B3GALT1: variants seen among roughly 807,000 people sequenced by gnomAD.
The protein encoded by B3GALT1 is UDP-Gal:betaGlcNAc beta 1,3-galactosyltransferase, polypeptide 1.
Under a neutral mutation model 23.2 loss-of-function variants are expected in B3GALT1, and 10 were observed. The ratio of observed to expected loss-of-function variants is 0.43; its 90% CI spans 0.27 to 0.73. The LOEUF (loss-of-function observed/expected upper bound fraction) is 0.73. B3GALT1 is among the 30% of genes least tolerant of loss of function. The pLI is 0.21. For missense variants in B3GALT1, 299 were observed against 405.4 expected (o/e 0.74, Z 2.25); for synonymous variants, 156 against 141.5 (o/e 1.10, Z -0.73).
At chr2:167,720,163 A>G (rs1016701467) in intron 3 of B3GALT1, among the ~76,000 whole-genome samples, 2 of 152,232 alleles carry the variant, frequency 1.3e-5, no homozygotes, top group South Asian at 4.1e-4. Context: ...AGGATTGAAC[A>G]TTTTGATAAA....
At chr2:167,514,189 G>A (rs1700068876) in intron 2 of B3GALT1, among the ~76,000 whole-genome samples, 1 of 152,114 alleles carries the variant, frequency 6.6e-6, no homozygotes, top group South Asian at 2.1e-4. Context: ...TTACAGGTGT[G>A]AGCCACCACA....
At chr2:167,600,944 G>A (rs1684866773) in intron 2 of B3GALT1, among the ~76,000 whole-genome samples, 2 of 152,102 alleles carry the variant, frequency 1.3e-5, no homozygotes, top group African/African-American at 4.8e-5. Context: ...AGAAGTGCTG[G>A]ATTGTTTAGC....
intron 4 of B3GALT1, among the ~76,000 whole-genome samples, chr2:167,842,694 C>G (rs138154188): frequency 3.3e-5 from 5 of 151,954 alleles, no homozygotes; most frequent in Admixed American, 1.3e-4. Context: ...GGCAACATGA[C>G]GAAACTCCGT....
intron 1 of B3GALT1, among the ~76,000 whole-genome samples, chr2:167,457,458 C>T (rs1699189672): frequency 6.6e-6 from 1 of 151,896 alleles, no homozygotes; most frequent in Non-Finnish European, 1.5e-5. Flanking sequence ...TAGACGTGAG[C>T]CACCATGCCT....
rs1413050678 is a variant in B3GALT1 at position 167,868,996 on chromosome 2, G to A, written c.-44G>A. The A allele has an allele frequency of 6.5e-7, 1 of 1,531,530 alleles. No homozygotes were observed. Among genetic ancestry groups the A allele is most frequent in the African/African-American group, 1.4e-5 (1 of 72,020 alleles). The allele number at this position is 1,531,530 out of a possible 1,614,324, so 94.9% of individuals were successfully genotyped here. ...AAGATGAAAACAAACTAGTGCCAAG[G>A]AGGCGTATTCTTCAATATTTGGAAT... is the stretch of plus-strand genomic sequence containing the variant. On this transcript the variant is annotated 5_prime_UTR_variant, in exon 5 of 5. Transcript: ENST00000392690.
intron 2 of B3GALT1, among the ~76,000 whole-genome samples, chr2:167,521,763 A>G (rs924023423): frequency 6.6e-6 from 1 of 151,962 alleles, no homozygotes; most frequent in African/African-American, 2.4e-5. Context: ...AACTAGGAGC[A>G]CCACAATGTT....
intron 1 of B3GALT1, among the ~76,000 whole-genome samples, chr2:167,399,310 T>C (rs1227071817): frequency 1.3e-5 from 2 of 152,170 alleles, no homozygotes; most frequent in Non-Finnish European, 2.9e-5. Flanking sequence ...TTATGTTTCT[T>C]AGAGCTCAGA....
intron 3 of B3GALT1, among the ~76,000 whole-genome samples, chr2:167,685,236 G>A (rs1686599450): frequency 6.6e-6 from 1 of 152,114 alleles, no homozygotes; most frequent in African/African-American, 2.4e-5. Flanking sequence ...ACAGCACTTG[G>A]CATGGTTCTA....
At chr2:167,612,305 A>G (rs979912374) in intron 2 of B3GALT1, among the ~76,000 whole-genome samples, 2 of 151,664 alleles carry the variant, frequency 1.3e-5, no homozygotes, top group Non-Finnish European at 1.5e-5. Context: ...TGAGACATTA[A>G]CCTTTTTAAA....
At chr2:167,686,664 A>G (rs1686621095) in intron 3 of B3GALT1, among the ~76,000 whole-genome samples, 1 of 152,236 alleles carries the variant, frequency 6.6e-6, no homozygotes. Flanking sequence ...TTTAAAGCTC[A>G]CAGTCACTGT....
chr2:167,307,676 A>G (rs1218641539), intron 1 of B3GALT1, among the ~76,000 whole-genome samples: 1 of 151,916 alleles, frequency 6.6e-6, no homozygotes, highest in Non-Finnish European at 1.5e-5. Flanking sequence ...TAAGGAACCC[A>G]TTCTGTTTTG....
chr2:167,314,086 T>C (rs1053389587), intron 1 of B3GALT1, among the ~76,000 whole-genome samples: 1 of 152,118 alleles, frequency 6.6e-6, no homozygotes, highest in Non-Finnish European at 1.5e-5. Context: ...AATATTAATG[T>C]GATGTGCTTT....
At chr2:167,584,906 A>T (rs1019894) in intron 2 of B3GALT1, among the ~76,000 whole-genome samples, 1 of 152,218 alleles carries the variant, frequency 6.6e-6, no homozygotes, top group Non-Finnish European at 1.5e-5. Flanking sequence ...TTGGGTTTTT[A>T]TGGAAGCTTC....
At chr2:167,381,712 A>G (rs1697850076) in intron 1 of B3GALT1, among the ~76,000 whole-genome samples, 1 of 152,346 alleles carries the variant, frequency 6.6e-6, no homozygotes, top group Non-Finnish European at 1.5e-5. Context: ...TGCCAACTTT[A>G]TGAAGATATG....
intron 3 of B3GALT1, among the ~76,000 whole-genome samples, chr2:167,662,381 A>G (rs979833136): frequency 6.6e-6 from 1 of 152,086 alleles, no homozygotes; most frequent in Non-Finnish European, 1.5e-5. Context: ...AGGATGGTAT[A>G]GAGATGTTTC....
intron 3 of B3GALT1, among the ~76,000 whole-genome samples, chr2:167,675,714 C>T (rs549246080): frequency 6.6e-6 from 1 of 152,258 alleles, no homozygotes; most frequent in African/African-American, 2.4e-5. Context: ...ACAGTAGCTC[C>T]ACTACTGAGA....
At chr2:167,607,344 G>A (rs1347577641) in intron 2 of B3GALT1, among the ~76,000 whole-genome samples, 1 of 152,122 alleles carries the variant, frequency 6.6e-6, no homozygotes, top group Non-Finnish European at 1.5e-5. Flanking sequence ...AGTCTCTCCT[G>A]GGTCTTTTGT....
chr2:167,800,219 T>C (rs756346307), intron 3 of B3GALT1, among the ~76,000 whole-genome samples: 24 of 152,212 alleles, frequency 1.6e-4, no homozygotes, highest in African/African-American at 4.6e-4. Context: ...CATAAAATCA[T>C]TGGGACAGGA....
chr2:167,557,375 A>C (rs903351217), intron 2 of B3GALT1, among the ~76,000 whole-genome samples: 3 of 152,216 alleles, frequency 2.0e-5, no homozygotes, highest in Non-Finnish European at 2.9e-5. Context: ...GATGCAAAGT[A>C]ATAAAATACT....
Sources: allele counts gnomAD v4.1 joint callset (sites outside exome capture counted in the v4.1 genomes callset), GRCh38; gene constraint gnomAD v4.1.1; transcripts MANE v1.5; gene names NCBI Gene and HGNC (gene_info 2026-07-23, HGNC 2026-07-21).